Variants in SUSD4 observed in about 807,000 individuals in gnomAD.
SUSD4 encodes the protein sushi domain-containing protein 4.
A neutral mutation model predicts 50.5 loss-of-function variants in SUSD4; 41 were observed. The ratio of observed to expected loss-of-function variants is 0.81; its 90% CI spans 0.63 to 1.05. The LOEUF is 1.05. Among genes scored for constraint, SUSD4 ranks in the 50% least tolerant of loss-of-function variants. The pLI is 0.00. For synonymous variants in SUSD4, 257 were observed against 257.3 expected (o/e 1.00, Z 0.01); for missense variants, 580 against 634.7 (o/e 0.91, Z 0.93).
intron 5 of SUSD4, among the ~76,000 whole-genome samples, chr1:223,235,259 C>A (rs935448272): frequency 6.6e-6 from 1 of 152,074 alleles, no homozygotes; most frequent in African/African-American, 2.4e-5. Flanking sequence ...ACAGGAAGTT[C>A]CCGTATACTC....
At chr1:223,306,336 A>T (rs896792658) in intron 2 of SUSD4, among the ~76,000 whole-genome samples, 1 of 152,238 alleles carries the variant, frequency 6.6e-6, no homozygotes, top group Admixed American at 6.5e-5. Flanking sequence ...GGGAAAACAG[A>T]ATAAACCTTC....
rs921719610 is a variant in SUSD4 at position 223,293,200 on chromosome 1, G to A, written c.149-549C>T. ...CAGGGTCTATGGTAGGGGTGGCTGG[G>A]AATGCCCTTCCTCCTCCTCTTACCC... On this transcript the variant is annotated intron_variant, in intron 2 of 8. Transcript: ENST00000366878. Among the ~76,000 whole-genome samples, 9 of 152,254 alleles carry A rather than the reference G, an allele frequency of 5.9e-5. No homozygotes were observed. The East Asian group carries it at 1.7e-3, about 29-fold the overall frequency.
At position 223,244,145 on chromosome 1, in the gene SUSD4, G is replaced by A. The variant is rs375067945; in HGVS notation, c.725-14757C>T. On this transcript the variant is annotated intron_variant, in intron 5 of 8. Coordinates refer to ENST00000366878, the MANE Select transcript of SUSD4 (RefSeq NM_017982.4). ...ACAGGAGTTGGGATGGAGCTCTCGG[G>A]CACCACATCTCCCACCGGGGTTTGG... Among the ~76,000 whole-genome samples the A allele has an allele frequency of 5.6e-4, 86 of 152,274 alleles. 1 individual carries two copies. The East Asian group carries it at 6.0e-3, about 11-fold the overall frequency.
intron 5 of SUSD4, among the ~76,000 whole-genome samples, chr1:223,246,479 C>T (rs565569812): frequency 6.6e-6 from 1 of 152,082 alleles, no homozygotes; most frequent in East Asian, 1.9e-4. Flanking sequence ...CGCCCCCACC[C>T]CAGAGCTCTT....
At chr1:223,243,350 G>A (rs1338898783) in intron 5 of SUSD4, among the ~76,000 whole-genome samples, 1 of 152,172 alleles carries the variant, frequency 6.6e-6, no homozygotes, top group Non-Finnish European at 1.5e-5. Flanking sequence ...TGGAGAGATG[G>A]GGCTTCCTGG....
chr1:223,350,672 G>A (rs1411529568), intron 2 of SUSD4, among the ~76,000 whole-genome samples: 2 of 152,188 alleles, frequency 1.3e-5, no homozygotes, highest in South Asian at 2.1e-4. Flanking sequence ...GTTGAACTTG[G>A]CTGTGGAGTC....
chr1:223,223,161 G>A (rs1659240867), intron 8 of SUSD4, 88 bp downstream of exon 8: 2 of 1,481,838 alleles, frequency 1.3e-6, no homozygotes, highest in Non-Finnish European at 1.8e-6. Flanking sequence ...GTGCTGGGGG[G>A]TGGAGCGTGC....
chr1:223,358,926 A>G (rs1668815774), intron 2 of SUSD4: 1 of 314,918 alleles, frequency 3.2e-6, no homozygotes, highest in Non-Finnish European at 6.8e-6. Context: ...ATGTTTCTCA[A>G]TAAAACTAAG....
chr1:223,290,228 A>G (rs1558219385), intron 3 of SUSD4, among the ~76,000 whole-genome samples: 3 of 152,198 alleles, frequency 2.0e-5, no homozygotes, highest in South Asian at 2.1e-4. Flanking sequence ...GAGCATGGCT[A>G]TTTACAAAGC....
At chr1:223,271,919 A>G (rs1046348548) in intron 3 of SUSD4, among the ~76,000 whole-genome samples, 3 of 152,210 alleles carry the variant, frequency 2.0e-5, no homozygotes, top group Non-Finnish European at 4.4e-5. Context: ...TCTATAGCAT[A>G]AACTAATCTA....
chr1:223,241,392 C>T (rs1248254802), intron 5 of SUSD4, among the ~76,000 whole-genome samples: 2 of 152,220 alleles, frequency 1.3e-5, no homozygotes, highest in African/African-American at 2.4e-5. Flanking sequence ...TGCAGCAATT[C>T]ATCAATTACA....
chr1:223,350,578 A>T (rs954937754), intron 2 of SUSD4, among the ~76,000 whole-genome samples: 1 of 152,258 alleles, frequency 6.6e-6, no homozygotes, highest in African/African-American at 2.4e-5. Context: ...TGTCAGAAGC[A>T]AAGAGGAAAG....
chr1:223,345,103 C>T (rs988500297), intron 2 of SUSD4, among the ~76,000 whole-genome samples: 1 of 152,198 alleles, frequency 6.6e-6, no homozygotes. Flanking sequence ...GATAATTGGA[C>T]ATTGTGGTAA....
intron 5 of SUSD4, among the ~76,000 whole-genome samples, chr1:223,246,092 C>A (rs942460368): frequency 1.5e-4 from 23 of 152,056 alleles, no homozygotes; most frequent in Admixed American, 1.2e-3. Flanking sequence ...CGGGACTGCA[C>A]GCACTCACAT....
At chr1:223,307,961 A>G (rs1408962626) in intron 2 of SUSD4, among the ~76,000 whole-genome samples, 1 of 152,210 alleles carries the variant, frequency 6.6e-6, no homozygotes, top group Non-Finnish European at 1.5e-5. Context: ...CTTGGACAAC[A>G]ACAGCTAATT....
At chr1:223,222,374 A>C (rs1405220253) in intron 8 of SUSD4, among the ~76,000 whole-genome samples, 154 bp from the exon 9 acceptor site, 2 of 152,234 alleles carry the variant, frequency 1.3e-5, no homozygotes, top group African/African-American at 4.8e-5. Context: ...CAAATAAATC[A>C]ACCTCCTATA....
At chr1:223,289,264 T>C in intron 3 of SUSD4, 1 of 985,416 alleles carries the variant, frequency 1.0e-6, no homozygotes, top group Non-Finnish European at 1.2e-6. Context: ...CAGGCTCCAG[T>C]CTTGCAGAAG....
At chr1:223,260,534 A>G (rs1444463702) in intron 5 of SUSD4, among the ~76,000 whole-genome samples, 1 of 152,206 alleles carries the variant, frequency 6.6e-6, no homozygotes, top group Non-Finnish European at 1.5e-5. Flanking sequence ...GCACTAAGAT[A>G]CACGCAGACA....
intron 2 of SUSD4, among the ~76,000 whole-genome samples, chr1:223,325,756 T>A (rs1666838131): frequency 6.6e-6 from 1 of 152,140 alleles, no homozygotes; most frequent in African/African-American, 2.4e-5. Context: ...AATCAAGAAC[T>A]CAATTTTTTT....
Sources: gnomAD v4.1 joint callset for allele counts (sites outside exome capture counted in the v4.1 genomes callset) on GRCh38, gnomAD v4.1.1 for gene constraint, MANE v1.5 for transcripts, NCBI Gene and HGNC (gene_info 2026-07-23, HGNC 2026-07-21) for gene names.